FANCD2: variants seen among roughly 807,000 people sequenced by gnomAD.
The protein encoded by FANCD2 is Fanconi anemia group D2 protein.
FANCD2 carries 131 observed loss-of-function variants against 192.3 expected under a neutral mutation model. The observed-to-expected ratio is 0.68, with a 90% CI of 0.59 to 0.79. The LOEUF is 0.79. FANCD2 is among the 30% of genes least tolerant of loss of function. The pLI, the probability that FANCD2 is intolerant of heterozygous loss-of-function variation, is 0.00. For missense variants in FANCD2, 1,508 were observed against 1,701.6 expected (o/e 0.89, Z 2.00); for synonymous variants, 524 against 612.5 (o/e 0.86, Z 2.13).
At position 10,052,501 on chromosome 3, in the gene FANCD2, A is replaced by G. The variant is rs756955176; in HGVS notation, c.1656+4A>G. ...TGAAGCCAGCAGCCACATCCAGGTAAGAGGCAATATGTTGGGAAAGATTTT... is the reference window on the plus strand; with the variant it reads ...TGAAGCCAGCAGCCACATCCAGGTAGGAGGCAATATGTTGGGAAAGATTTT... On this transcript the variant is annotated splice_donor_region_variant and intron_variant, in intron 18 of 43. Coordinates refer to ENST00000675286, the MANE Select transcript of FANCD2 (RefSeq NM_001018115.3). 1 of 1,596,350 alleles carries G rather than the reference A, an allele frequency of 6.3e-7. No individual in the cohort carries two copies. The highest frequency in any genetic ancestry group is 1.4e-5 in the African/African-American group (1 of 74,072).
chr3:10,092,355 T>C lies in FANCD2; in HGVS notation c.3849+103T>C, dbSNP rs944251266. On this transcript the variant is annotated intron_variant, in intron 38 of 43. Coordinates refer to ENST00000675286, the MANE Select transcript of FANCD2 (RefSeq NM_001018115.3). ...CCTTGCTCCTCTTCCCACTCTTCCT[T>C]GGGGCCTGCTCTCCCTGAGTCGTCT... is the stretch of plus-strand genomic sequence containing the variant. The C allele has an allele frequency of 1.2e-4, 108 of 883,122 alleles. 1 individual carries two copies. Among genetic ancestry groups the C allele is most frequent in the Non-Finnish European group, 1.9e-4 (101 of 522,596 alleles). 54.7% of individuals were successfully genotyped at this position (883,122 alleles called of 1,614,324 possible). A position where few individuals can be genotyped will look rare whatever the true frequency, so the allele number is the denominator to read the frequency against.
intron 18 of FANCD2, among the ~76,000 whole-genome samples, chr3:10,056,729 C>T (rs764986328): frequency 2.6e-5 from 4 of 151,920 alleles, no homozygotes; most frequent in Admixed American, 6.6e-5. Context: ...CTGATGAGTG[C>T]GAGTGGTATC....
intron 28 of FANCD2, among the ~76,000 whole-genome samples, chr3:10,074,027 C>A (rs1454862905): frequency 6.6e-6 from 1 of 152,102 alleles, no homozygotes; most frequent in East Asian, 1.9e-4. Flanking sequence ...CTCACTGCAA[C>A]CTCCACCTCC....
chr3:10,042,328 G>T (rs763897558), intron 10 of FANCD2, among the ~76,000 whole-genome samples: 2 of 152,178 alleles, frequency 1.3e-5, no homozygotes. Flanking sequence ...CTAAATGTAA[G>T]ATAATAGCTC....
At chr3:10,057,637 A>G (rs1028938840) in intron 18 of FANCD2, among the ~76,000 whole-genome samples, 2 of 152,238 alleles carry the variant, frequency 1.3e-5, no homozygotes, top group African/African-American at 4.8e-5. Flanking sequence ...TGCTGTGATT[A>G]CAGGCATGAG....
rs587778331 is a variant in FANCD2 at position 10,081,113 on chromosome 3, G to A, written c.2990G>A (p.Arg997Gln). ...RVPFLKNKGSRNIGFSHLQQR... is the reference protein window; with the variant it reads ...RVPFLKNKGSQNIGFSHLQQR... The stretch of plus-strand genomic sequence containing the variant: ...CATTTATTATAGAACAAAGGAAGCC[G>A]GAATATTGGATTCTCACATCTCCAA... Residue 997 changes from arginine (R) to glutamine (Q), a missense_variant, in exon 31 of 44, where the codon CGG becomes CAG. This residue lies in a region of FANCD2 where 796 missense variants were observed against 879.4 expected (regional missense o/e 0.91). Coordinates refer to ENST00000675286, the MANE Select transcript of FANCD2 (RefSeq NM_001018115.3). 171 of 1,614,054 alleles carry A rather than the reference G, an allele frequency of 1.1e-4. 1 individual carries two copies. The highest frequency in any genetic ancestry group is 3.1e-4 in the South Asian group (28 of 91,080).
chr3:10,087,024 G>C, intron 33 of FANCD2, 110 bp from the exon 34 acceptor site: 1 of 1,177,254 alleles, frequency 8.5e-7, no homozygotes, highest in Non-Finnish European at 1.3e-6. Context: ...GGAGGATTCT[G>C]ATTAGGCCGT....
intron 20 of FANCD2, among the ~76,000 whole-genome samples, chr3:10,063,400 A>G (rs1365792297): frequency 2.6e-5 from 4 of 152,160 alleles, no homozygotes; most frequent in East Asian, 3.9e-4. Context: ...TCACACTACT[A>G]TACTCCAGCC....
chr3:10,046,586 G>T lies in FANCD2; in HGVS notation c.1141G>T (p.Asp381Tyr). Reference protein sequence around the residue: ...TASVSEHKVFDLVMLFIIYST... With the variant: ...TASVSEHKVFYLVMLFIIYST... ...GCATATTTATTGACAATAGGTGTTT[G>T]ACCTGGTGATGCTTTTCATCATCTA... is the stretch of plus-strand genomic sequence containing the variant. The change falls in exon 15 of 44, where the codon GAC becomes TAC. Residue 381 changes from aspartate to tyrosine, a missense_variant. By Grantham distance (160) the Asp-to-Tyr change is radical. This residue lies in a region of FANCD2 where 108 missense variants were observed against 174.1 expected (regional missense o/e 0.62). Transcript: ENST00000675286. 6.2e-7 allele frequency: 1 copy of T among 1,614,192 alleles called. No individual in the cohort carries two copies. The highest frequency in any genetic ancestry group is 8.5e-7 in the Non-Finnish European group (1 of 1,180,004).
At chr3:10,068,307 T>C (rs2125040437) in intron 26 of FANCD2, among the ~76,000 whole-genome samples, 1 of 152,226 alleles carries the variant, frequency 6.6e-6, no homozygotes, top group South Asian at 2.1e-4. Context: ...AAAATCATCA[T>C]ATAAAAATGA....
chr3:10,051,298 G>C (rs370987400), intron 17 of FANCD2, among the ~76,000 whole-genome samples: 1 of 145,546 alleles, frequency 6.9e-6, no homozygotes, highest in Non-Finnish European at 1.5e-5. Flanking sequence ...GGAGAATGGC[G>C]TGAACCCAGG....
intron 9 of FANCD2, chr3:10,041,392 T>A (rs2086860529): frequency 2.2e-6 from 1 of 445,200 alleles, no homozygotes. Flanking sequence ...TAGTGGGGAT[T>A]GTGATGGAAG....
chr3:10,030,079 G>A (rs1320825510), intron 2 of FANCD2, among the ~76,000 whole-genome samples: 1 of 145,742 alleles, frequency 6.9e-6, no homozygotes, highest in African/African-American at 2.6e-5. Context: ...GAGCCACCAC[G>A]CCTGGCCCAT....
Position 10,075,728 on chromosome 3 carries a change from C to CTTTTT in FANCD2, c.2859+1071_2859+1075dup, listed in dbSNP as rs71052292. On this transcript the variant is annotated intron_variant, in intron 29 of 43. Coordinates refer to ENST00000675286, the MANE Select transcript of FANCD2 (RefSeq NM_001018115.3). ...GTACCTTCAGAACAGAAATAGTATC[C>CTTTTT]TTTTTTTTTTTTTTTTTTTTGAGAT... 1.4e-3 allele frequency among the ~76,000 whole-genome samples: 147 copies of CTTTTT among 106,628 alleles called. 5 individuals are homozygous for CTTTTT. The highest frequency in any genetic ancestry group is 5.2e-3 in the African/African-American group (138 of 26,786). The allele number at this position is 106,628 out of a possible 152,430, so 70.0% of individuals were successfully genotyped here. A position where few individuals can be genotyped will look rare whatever the true frequency, so the allele number is the denominator to read the frequency against.
intron 26 of FANCD2, among the ~76,000 whole-genome samples, chr3:10,072,603 T>C (rs543971169): frequency 1.3e-5 from 2 of 152,346 alleles, no homozygotes; most frequent in South Asian, 4.1e-4. Flanking sequence ...TAAATGTTTG[T>C]TTTAGTTTTT....
At chr3:10,033,001 G>A (rs750336008) in intron 3 of FANCD2, 29 bp downstream of exon 3, 1 of 1,509,390 alleles carries the variant, frequency 6.6e-7, no homozygotes, top group African/African-American at 1.4e-5. Flanking sequence ...TTTATTCTCT[G>A]GGTTTAATGA....
intron 4 of FANCD2, 69 bp downstream of exon 4, chr3:10,034,605 T>C (rs1160571279): frequency 1.3e-6 from 2 of 1,493,034 alleles, no homozygotes; most frequent in African/African-American, 2.8e-5. Context: ...TTAAGGACAC[T>C]GGTATAAAGT....
In FANCD2 at chr3:10,039,742, C is replaced by A; in HGVS notation, c.592C>A (p.Gln198Lys). 6.2e-7 allele frequency: 1 copy of A among 1,614,064 alleles called. No homozygotes were observed. Among genetic ancestry groups the A allele is most frequent in the Non-Finnish European group, 8.5e-7 (1 of 1,180,012 alleles). Residue 198 changes from glutamine (Q) to lysine (K), a missense_variant, in exon 9 of 44, where the codon CAG becomes AAG. Gln to Lys is a moderately conservative substitution (Grantham distance 53). Around this residue, in one of 5 missense-constraint regions of FANCD2, gnomAD observed 435 missense variants for 421.9 expected, o/e 1.03. Transcript: ENST00000675286. The part of the protein sequence containing the change: ...DGKDLTTKIM[Q>K]LISIAPENLQ... ...GCAGGACCTCACCACCAAGATCATG[C>A]AGCTGATCAGTATTGCTCCAGAGAA...
rs1357515571 is a variant in FANCD2, at chr3:10,067,434, C to G, written c.2494+117C>G. On this transcript the variant is annotated intron_variant, in intron 26 of 43. Transcript: ENST00000675286. Reference sequence around the variant, plus strand: ...ACACATCAAAAAAAGAAATCTCAGGCCAATATCCCTGATGAACATTGATAC... The same window carrying G: ...ACACATCAAAAAAAGAAATCTCAGGGCAATATCCCTGATGAACATTGATAC... 5 of 690,318 alleles carry G rather than the reference C, an allele frequency of 7.2e-6. No homozygotes were observed. The Admixed American group carries it at 8.9e-5, about 12-fold the overall frequency. The allele number at this position is 690,318 out of a possible 1,614,324, so 42.8% of individuals were successfully genotyped here.
Sources: gnomAD v4.1 joint callset for allele counts (sites outside exome capture counted in the v4.1 genomes callset) on GRCh38, gnomAD v4.1.1 for gene constraint, gnomAD v4.1.1 regional missense constraint, MANE v1.5 for transcripts, NCBI Gene and HGNC (gene_info 2026-07-23, HGNC 2026-07-21) for gene names.